Variants in LMBR1 observed in about 807,000 individuals in gnomAD.
LMBR1 encodes limb development membrane protein 1.
Under a neutral mutation model 73.9 loss-of-function variants are expected in LMBR1, and 52 were observed. The ratio of observed to expected loss-of-function variants is 0.70; its 90% confidence interval spans 0.56 to 0.89. The LOEUF (loss-of-function observed/expected upper bound fraction) is 0.89, where lower values mean the gene tolerates loss of function less well. Among genes scored for constraint, LMBR1 ranks in the 40% least tolerant of loss-of-function variants. The pLI is 0.00. For synonymous variants in LMBR1, 215 were observed against 209.4 expected (o/e 1.03, Z -0.23); for missense variants, 539 against 579.8 (o/e 0.93, Z 0.72).
At chr7:156,844,644 T>C (rs1839308151) in intron 1 of LMBR1, among the ~76,000 whole-genome samples, 1 of 151,520 alleles carries the variant, frequency 6.6e-6, no homozygotes, top group Non-Finnish European at 1.5e-5. Flanking sequence ...ATGGGCTCTA[T>C]TCTGGCATCT....
intron 1 of LMBR1, among the ~76,000 whole-genome samples, chr7:156,865,647 C>T (rs1798344236): frequency 6.6e-6 from 1 of 152,118 alleles, no homozygotes; most frequent in Non-Finnish European, 1.5e-5. Flanking sequence ...AAGAGCAAAG[C>T]TGGAGGACTC....
intron 4 of LMBR1, among the ~76,000 whole-genome samples, chr7:156,812,034 C>T (rs758360995): frequency 1.3e-5 from 2 of 152,096 alleles, no homozygotes; most frequent in Non-Finnish European, 2.9e-5. Context: ...TAGGGGGATA[C>T]CAGTCTTTGG....
At chr7:156,851,098 C>T (rs1211926902) in intron 1 of LMBR1, among the ~76,000 whole-genome samples, 3 of 152,074 alleles carry the variant, frequency 2.0e-5, no homozygotes, top group South Asian at 4.2e-4. Context: ...AAGCAGATGC[C>T]GGCAATATGC....
intron 1 of LMBR1, among the ~76,000 whole-genome samples, chr7:156,889,120 T>C (rs1802453978): frequency 6.6e-6 from 1 of 151,978 alleles, no homozygotes; most frequent in Non-Finnish European, 1.5e-5. Context: ...TTGAAGGCAT[T>C]ATGCTAAGTG....
At chr7:156,811,467 G>A (rs1833084653) in intron 4 of LMBR1, among the ~76,000 whole-genome samples, 1 of 151,940 alleles carries the variant, frequency 6.6e-6, no homozygotes, top group African/African-American at 2.4e-5. Flanking sequence ...AAAATTAGCT[G>A]GGCATGGTGG....
chr7:156,768,288 C>T lies in LMBR1; in HGVS notation c.424-4493G>A, dbSNP rs1037759521. ...AGGAGAATCGCTTGAACCTGGGAGG[C>T]GGAGGTTGCGTTGCAGTGAGCCAAG... On this transcript the variant is annotated intron_variant, in intron 5 of 16. Transcript: ENST00000353442. Among the ~76,000 whole-genome samples, 10 of 151,674 alleles carry T rather than the reference C, an allele frequency of 6.6e-5. No homozygotes were observed. The South Asian group carries it at 1.7e-3, about 25-fold the overall frequency.
At chr7:156,874,656 CT>C (rs767292667) in intron 1 of LMBR1, among the ~76,000 whole-genome samples, 4 of 152,214 alleles carry the variant, frequency 2.6e-5, no homozygotes, top group Non-Finnish European at 4.4e-5. Flanking sequence ...CCAGCCCTGC[CT>C]GGTAGACCTC....
intron 8 of LMBR1, among the ~76,000 whole-genome samples, chr7:156,758,595 T>C (rs1021349159): frequency 2.6e-5 from 4 of 152,086 alleles, no homozygotes; most frequent in African/African-American, 9.7e-5. Context: ...TGACAGCAGG[T>C]TGTTTAAAAG....
intron 4 of LMBR1, among the ~76,000 whole-genome samples, chr7:156,814,097 C>T (rs931920599): frequency 1.3e-5 from 2 of 152,096 alleles, no homozygotes; most frequent in Admixed American, 6.5e-5. Flanking sequence ...CCTTAGCCAA[C>T]GCACCCATAA....
Position 156,769,022 on chromosome 7 carries a change from A to C in LMBR1, c.424-5227T>G, listed in dbSNP as rs766839294. Among the ~76,000 whole-genome samples, 9 of 152,162 alleles carry C rather than the reference A, an allele frequency of 5.9e-5. No homozygotes were observed. Among genetic ancestry groups the C allele is most frequent in the Non-Finnish European group, 1.0e-4 (7 of 68,024 alleles). The stretch of plus-strand genomic sequence containing the variant: ...TATTCGCTTCTCCTCCTGGGGCCCT[A>C]TACTGTTTATATTGGGCCAAAGGGA... On this transcript the variant is annotated intron_variant, in intron 5 of 16. Coordinates refer to ENST00000353442, the MANE Select transcript of LMBR1 (RefSeq NM_022458.4).
chr7:156,853,024 T>C (rs1005722636), intron 1 of LMBR1, among the ~76,000 whole-genome samples: 4 of 151,848 alleles, frequency 2.6e-5, no homozygotes, highest in South Asian at 2.1e-4. Flanking sequence ...TTGCAAGCTC[T>C]GCCTCCCAGG....
At chr7:156,852,799 C>T (rs1369290930) in intron 1 of LMBR1, among the ~76,000 whole-genome samples, 2 of 152,100 alleles carry the variant, frequency 1.3e-5, no homozygotes, top group Admixed American at 1.3e-4. Context: ...CAGACCCGAA[C>T]AATAAAGAAC....
intron 3 of LMBR1, among the ~76,000 whole-genome samples, chr7:156,827,336 T>C (rs1406128866): frequency 2.0e-5 from 3 of 152,136 alleles, no homozygotes; most frequent in East Asian, 3.9e-4. Flanking sequence ...ATAAAAAAGA[T>C]AGCTTTAATA....
intron 1 of LMBR1, among the ~76,000 whole-genome samples, chr7:156,854,989 T>G (rs1796741473): frequency 1.3e-5 from 2 of 152,176 alleles, no homozygotes; most frequent in Non-Finnish European, 2.9e-5. Context: ...AAGGCCAAAT[T>G]ACCTCAATCC....
chr7:156,875,859 CTCTTTA>C (rs1170170768), intron 1 of LMBR1, among the ~76,000 whole-genome samples: 1 of 151,304 alleles, frequency 6.6e-6, no homozygotes, highest in East Asian at 1.9e-4. Flanking sequence ...AAAACAGAAC[CTCTTTA>C]AAGCATAATT....
At chr7:156,761,993 C>A (rs1182391993) in intron 8 of LMBR1, 141 bp downstream of exon 8, 368 of 345,690 alleles carry the variant, frequency 1.1e-3, no homozygotes, top group East Asian at 2.2e-3. Context: ...AAAAAAAAAA[C>A]TTAATAAAAC....
At chr7:156,731,882 C>A (rs1228013448) in intron 10 of LMBR1, among the ~76,000 whole-genome samples, 2 of 150,714 alleles carry the variant, frequency 1.3e-5, no homozygotes, top group Non-Finnish European at 2.9e-5. Flanking sequence ...AAAAGTTGCA[C>A]AGGCACATAT....
intron 1 of LMBR1, among the ~76,000 whole-genome samples, chr7:156,890,067 T>C (rs1802624886): frequency 6.6e-6 from 1 of 152,098 alleles, no homozygotes; most frequent in Admixed American, 6.6e-5. Context: ...AGTCCAAAAT[T>C]AAACCCTATG....
rs557703161 is a variant in LMBR1 at position 156,778,275 on chromosome 7, AC to A, written c.424-14481del. Among the ~76,000 whole-genome samples, 204 of 152,348 alleles carry A rather than the reference AC, an allele frequency of 1.3e-3. 1 individual carries two copies. Among genetic ancestry groups the A allele is most frequent in the Middle Eastern group, 6.8e-3 (2 of 294 alleles). ...TACATTACAAGAGTAAATCAACAATACTAATAGAAAAGGCTGCCACGGTACA... is the reference window on the plus strand; with the variant it reads ...TACATTACAAGAGTAAATCAACAATATAATAGAAAAGGCTGCCACGGTACA... On this transcript the variant is annotated intron_variant, in intron 5 of 16. Transcript: ENST00000353442.
Sources: allele counts gnomAD v4.1 joint callset (sites outside exome capture counted in the v4.1 genomes callset), GRCh38; gene constraint gnomAD v4.1.1; transcripts MANE v1.5; gene names NCBI Gene and HGNC (gene_info 2026-07-23, HGNC 2026-07-21).